Variants in MID2 observed in about 807,000 individuals in gnomAD.
MID2 encodes probable E3 ubiquitin-protein ligase MID2.
Under a neutral mutation model 46.1 loss-of-function variants are expected in MID2, and 13 were observed. That is an observed-to-expected ratio of 0.28 (90% CI 0.18 to 0.45). The LOEUF (loss-of-function observed/expected upper bound fraction) is 0.45, where lower values mean the gene tolerates loss of function less well. MID2 is among the 20% of genes least tolerant of loss of function. The pLI is 1.00. For missense variants in MID2, 431 were observed against 575.4 expected (o/e 0.75, Z 2.57); for synonymous variants, 199 against 212.3 (o/e 0.94, Z 0.55).
In MID2 at chrX:107,924,444, G is replaced by A. The variant is rs1372553060; in HGVS notation, c.1537G>A (p.Val513Ile). The A allele has an allele frequency of 2.5e-6, 3 of 1,211,416 alleles. No individual in the cohort carries two copies. Among genetic ancestry groups the A allele is most frequent in the Admixed American group, 4.3e-5 (2 of 46,001 alleles). Residue 513 changes from valine (V) to isoleucine (I), a missense_variant, in exon 8 of 10, where the codon GTT becomes ATT. By Grantham distance (29) the Val-to-Ile change is conservative. Transcript: ENST00000262843. ...LQSGTRYIFIVKAINQAGSRN... is the reference protein window; with the variant it reads ...LQSGTRYIFIIKAINQAGSRN... ...GAGCGGGACTCGCTACATCTTCATC[G>A]TTAAAGCCATAAACCAAGCCGGCAG...
At chrX:107,874,963 C>T (rs907505164) in intron 3 of MID2, among the ~76,000 whole-genome samples, 6 of 111,204 alleles carry the variant, frequency 5.4e-5, no homozygotes, top group African/African-American at 2.0e-4. Context: ...AGCCTTACTA[C>T]CCTCCGAGAG....
At chrX:107,917,317 G>T (rs977960606) in intron 6 of MID2, among the ~76,000 whole-genome samples, 189 bp from the exon 7 acceptor site, 5 of 111,614 alleles carry the variant, frequency 4.5e-5, no homozygotes, top group African/African-American at 1.6e-4. Context: ...TATTGATGTA[G>T]CAAAAGTGGT....
At chrX:107,847,485 G>A (rs751214722) in intron 2 of MID2, among the ~76,000 whole-genome samples, 1 of 111,776 alleles carries the variant, frequency 8.9e-6, no homozygotes, top group Admixed American at 9.5e-5. Flanking sequence ...ACAAAACTTG[G>A]TGAATGACTA....
intron 3 of MID2, among the ~76,000 whole-genome samples, chrX:107,857,281 CTTT>C (rs1172837242): frequency 2.1e-5 from 2 of 97,450 alleles, no homozygotes; most frequent in African/African-American, 3.7e-5. Context: ...TTAACTTCCT[CTTT>C]TTTTTTTTTT....
rs1333916963 is a variant in MID2, at chrX:107,917,634, C to T, written c.1330C>T (p.Gln444Ter). Residue 444 changes from glutamine (Q) to a stop codon, truncating the protein, a stop_gained, in exon 7 of 10, where the codon CAG (glutamine) becomes TAG (stop). Coordinates refer to ENST00000262843, the MANE Select transcript of MID2 (RefSeq NM_012216.4). LOFTEE classifies it high-confidence loss of function. ...GCTTCAGTACACCATATTCACTGGC[C>T]AGGCTAACTTCATCAGTAAGTCATG... ...YELQYTIFTG[Q>*]ANFISKSWCS... 2.5e-6 allele frequency: 3 copies of T among 1,209,965 alleles called. No homozygotes were observed. Among genetic ancestry groups the T allele is most frequent in the Non-Finnish European group, 3.4e-6 (3 of 895,173 alleles).
intron 2 of MID2, among the ~76,000 whole-genome samples, chrX:107,848,712 G>A (rs1297703152): frequency 4.5e-4 from 50 of 111,888 alleles, no homozygotes; most frequent in Non-Finnish European, 1.9e-5. Context: ...ATAAATTCTG[G>A]CATAAGGGTG....
chrX:107,865,272 G>A (rs755865106), intron 3 of MID2, among the ~76,000 whole-genome samples: 2 of 112,182 alleles, frequency 1.8e-5, no homozygotes, highest in East Asian at 2.8e-4. Context: ...TTATGTGAGC[G>A]TGTGCCCATG....
chrX:107,849,178 C>T (rs1569463105), intron 2 of MID2, among the ~76,000 whole-genome samples: 1 of 112,068 alleles, frequency 8.9e-6, no homozygotes, highest in Non-Finnish European at 1.9e-5. Flanking sequence ...AGAATACAGA[C>T]ATTCTATGAC....
At chrX:107,898,452 G>T (rs1005008078) in intron 3 of MID2, among the ~76,000 whole-genome samples, 1 of 112,246 alleles carries the variant, frequency 8.9e-6, no homozygotes, top group African/African-American at 3.2e-5. Flanking sequence ...GACCAGCTCA[G>T]CTACATGAAA....
chrX:107,895,606 T>G (rs1303635518), intron 3 of MID2: 4 of 112,442 alleles, frequency 3.6e-5, no homozygotes, highest in Non-Finnish European at 1.9e-5. Context: ...TTCCAGTTTT[T>G]TGCTAATAGA....
chrX:107,878,226 G>A (rs1050693308), intron 3 of MID2, among the ~76,000 whole-genome samples: 6 of 110,585 alleles, frequency 5.4e-5, no homozygotes, highest in Admixed American at 1.9e-4. Flanking sequence ...ACTGCCCTGG[G>A]GCCCTGGCTG....
At chrX:107,878,630 CTGGCAACAACGAGGAG>C (rs1242698593) in intron 3 of MID2, among the ~76,000 whole-genome samples, 1 of 112,173 alleles carries the variant, frequency 8.9e-6, no homozygotes, top group East Asian at 2.8e-4. Flanking sequence ...CAGGGGCCTT[CTGGCAACAACGAGGAG>C]TGGCATTGGC....
chrX:107,880,262 C>T (rs983305271), intron 3 of MID2, among the ~76,000 whole-genome samples: 1 of 110,798 alleles, frequency 9.0e-6, no homozygotes, highest in Non-Finnish European at 1.9e-5. Context: ...GCTGGGACTA[C>T]AGACACATGC....
chrX:107,911,152 C>T (rs1419354131), intron 5 of MID2, among the ~76,000 whole-genome samples: 2 of 110,234 alleles, frequency 1.8e-5, no homozygotes, highest in Admixed American at 9.7e-5. Context: ...CCGTGTCTGG[C>T]GCGTTGTGGA....
At chrX:107,857,660 C>T (rs1282337028) in intron 3 of MID2, among the ~76,000 whole-genome samples, 1 of 111,928 alleles carries the variant, frequency 8.9e-6, no homozygotes, top group Admixed American at 9.5e-5. Context: ...TCTCCAAAAG[C>T]CTTCAGGACA....
chrX:107,871,635 T>G (rs1163959110), intron 3 of MID2, among the ~76,000 whole-genome samples: 1 of 111,105 alleles, frequency 9.0e-6, no homozygotes, highest in African/African-American at 3.3e-5. Context: ...TGGGGGATTT[T>G]ATTGCCAATG....
rs1367099866 is a variant in MID2, at chrX:107,930,198, T to C, written c.*3125T>C. ...TGAATGTATGAATGAAAAAATGCAT[T>C]ATGAAAGTTTCCTCTTGTACTCTCA... On this transcript the variant is annotated 3_prime_UTR_variant, in exon 10 of 10. Transcript: ENST00000262843. 8.9e-6 allele frequency among the ~76,000 whole-genome samples: 1 copy of C among 111,889 alleles called. No individual in the cohort carries two copies. The highest frequency in any genetic ancestry group is 3.2e-5 in the African/African-American group (1 of 30,800).
In MID2 at chrX:107,840,763, G is replaced by A; in HGVS notation, c.98G>A (p.Cys33Tyr). 1 of 1,211,230 alleles carries A rather than the reference G, an allele frequency of 8.3e-7. No homozygotes were observed. The highest frequency in any genetic ancestry group is 1.1e-6 in the Non-Finnish European group (1 of 895,197). The change falls in exon 2 of 10, where the codon TGC (cysteine) becomes TAC (tyrosine). Residue 33 changes from cysteine to tyrosine, a missense_variant. Transcript: ENST00000262843. Reference sequence around the variant, plus strand: ...GAGTCTGAATTGACCTGTCCAATCTGCCTAGAGTTGTTTGAAGACCCCCTT... The same window carrying A: ...GAGTCTGAATTGACCTGTCCAATCTACCTAGAGTTGTTTGAAGACCCCCTT... The part of the protein sequence containing the change: ...TLESELTCPI[C>Y]LELFEDPLLL...
chrX:107,832,375 T>C (rs1285854385), intron 1 of MID2, among the ~76,000 whole-genome samples: 1 of 112,399 alleles, frequency 8.9e-6, no homozygotes, highest in Non-Finnish European at 1.9e-5. Context: ...TGTGATTGTC[T>C]GCCATTATGT....
Sources: gnomAD v4.1 joint callset for allele counts (sites outside exome capture counted in the v4.1 genomes callset) on GRCh38, gnomAD v4.1.1 for gene constraint, MANE v1.5 for transcripts, NCBI Gene and HGNC (gene_info 2026-07-23, HGNC 2026-07-21) for gene names.